The following RPS29 variants were observed in gnomAD, a reference collection of about 807,000 sequenced individuals.
RPS29 encodes ribosomal protein S29, also known as small ribosomal subunit protein uS14.
For missense variants in RPS29, 60 were observed against 75.7 expected, an observed-to-expected ratio of 0.79 and a Z score of 0.77; for synonymous variants, 37 against 26.9, an observed-to-expected ratio of 1.37 and a Z score of -1.16.
At chr14:49,577,632 G>A (rs146360976) in exon 3 of RPS29, 10 of 712,214 alleles carry the variant, frequency 1.4e-5, no homozygotes, top group African/African-American at 3.5e-5. Context: ...AACCAATGTT[G>A]GGCATAGATC....
Position 49,586,049 on chromosome 14 carries a change from A to G in RPS29, c.63T>C (p.Cys21=). The change falls in exon 2 of 3, where the codon TGT becomes TGC. Residue 21 remains cysteine, a splice_region_variant and synonymous_variant. Coordinates refer to ENST00000245458, the MANE Select transcript of RPS29 (RefSeq NM_001032.5). ...GACCGTGCCGGTTTGAACAGACACG[A>G]CTGTAAGAAAAGAGACAGCGGTTTT... The part of the protein sequence containing the change: ...PRKFGQGSRS[C]RVCSNRHGLI... 1 of 1,612,118 alleles carries G rather than the reference A, an allele frequency of 6.2e-7. No individual in the cohort carries two copies. Among genetic ancestry groups the G allele is most frequent in the Non-Finnish European group, 8.5e-7 (1 of 1,178,334 alleles).
At chr14:49,584,058 T>G (rs971359686) in intron 2 of RPS29, among the ~76,000 whole-genome samples, 1 of 152,206 alleles carries the variant, frequency 6.6e-6, no homozygotes, top group African/African-American at 2.4e-5. Flanking sequence ...CTCCACTCAC[T>G]GCAACCTCAG....
chr14:49,587,374 T>C (rs1334103803), upstream of RPS29, among the ~76,000 whole-genome samples: 1 of 152,270 alleles, frequency 6.6e-6, no homozygotes, highest in Non-Finnish European at 1.5e-5. Context: ...ACATTCCATA[T>C]GGTCATTTAT....
rs181473828 is a variant in RPS29 at position 49,584,754 on chromosome 14, C to A, written c.163-1079G>T. Among the ~76,000 whole-genome samples, 5 of 147,248 alleles carry A rather than the reference C, an allele frequency of 3.4e-5. No individual in the cohort carries two copies. The East Asian group carries it at 9.8e-4, about 29-fold the overall frequency. ...TCCAGCCTGGGAAACAGAGGGAGAC[C>A]CAATTTCAAAACAAAAAAAAAAATT... On this transcript the variant is annotated intron_variant, in intron 2 of 2. Transcript: ENST00000245458.
At chr14:49,580,746 C>G (rs1209315760), downstream of RPS29, among the ~76,000 whole-genome samples, 1 of 152,020 alleles carries the variant, frequency 6.6e-6, no homozygotes, top group Non-Finnish European at 1.5e-5. Flanking sequence ...GGTGGCAGAC[C>G]TGTACAGGCA....
Position 49,586,362 on chromosome 14 carries a change from G to A in RPS29, c.-16C>T, listed in dbSNP as rs757565561. The A allele has an allele frequency of 6.2e-7, 1 of 1,613,028 alleles. No homozygotes were observed. Among genetic ancestry groups the A allele is most frequent in the African/African-American group, 1.3e-5 (1 of 74,916 alleles). ...GGTGACCCATCTTGCTCTCAGCAGTGCAACGAGGTAAAAGGAAGAAGCTGG... is the reference window on the plus strand; with the variant it reads ...GGTGACCCATCTTGCTCTCAGCAGTACAACGAGGTAAAAGGAAGAAGCTGG... On this transcript the variant is annotated 5_prime_UTR_variant, in exon 1 of 3. Coordinates refer to ENST00000245458, the MANE Select transcript of RPS29 (RefSeq NM_001032.5).
downstream of RPS29, among the ~76,000 whole-genome samples, chr14:49,580,502 T>TA (rs1413383861): frequency 6.6e-6 from 1 of 152,174 alleles, no homozygotes; most frequent in Non-Finnish European, 1.5e-5. Flanking sequence ...TTATGAAACT[T>TA]AAACTCCAGT....
upstream of RPS29, among the ~76,000 whole-genome samples, chr14:49,589,422 T>C (rs1387587122): frequency 6.6e-6 from 1 of 152,256 alleles, no homozygotes; most frequent in Admixed American, 6.5e-5. Context: ...CTGCAAAGTA[T>C]AGATCTTATT....
chr14:49,571,154 ATTTTT>A (rs1881046380), exon 3 of RPS29: 2 of 152,144 alleles, frequency 1.3e-5, no homozygotes, highest in Admixed American at 1.3e-4. Context: ...CTGTAACTTT[ATTTTT>A]AAGAGTAGTT....
At chr14:49,572,100 G>C (rs970155916) in exon 3 of RPS29, 1 of 152,296 alleles carries the variant, frequency 6.6e-6, no homozygotes, top group African/African-American at 2.4e-5. Context: ...ACAGGTGACT[G>C]CCACCATGCC....
chr14:49,582,350 A>T (rs1233257486), downstream of RPS29, among the ~76,000 whole-genome samples: 1 of 151,878 alleles, frequency 6.6e-6, no homozygotes, highest in African/African-American at 2.4e-5. Flanking sequence ...CAGCTTTCTC[A>T]CTCTTCAGCC....
At chr14:49,573,103 G>GGAAAGAAA (rs140841410) in exon 3 of RPS29, 2 of 142,442 alleles carry the variant, frequency 1.4e-5, no homozygotes, top group East Asian at 2.0e-4. Flanking sequence ...AAAGAAAGAA[G>GGAAAGAAA]GAAAGAAAGA....
At chr14:49,584,535 C>T (rs1881449121) in intron 2 of RPS29, among the ~76,000 whole-genome samples, 1 of 152,172 alleles carries the variant, frequency 6.6e-6, no homozygotes, top group Admixed American at 6.5e-5. Flanking sequence ...GGGGTCAAGG[C>T]AGGCCCATCT....
At chr14:49,595,157 A>AT (rs1410347738) in intron 1 of RPS29, among the ~76,000 whole-genome samples, 3 of 151,406 alleles carry the variant, frequency 2.0e-5, no homozygotes, top group Non-Finnish European at 2.9e-5. Context: ...TTAGGTGCAT[A>AT]TTTTTTAACT....
chr14:49,583,628 T>C lies in RPS29; in HGVS notation c.*39A>G. 1 of 1,577,350 alleles carries C rather than the reference T, an allele frequency of 6.3e-7. No homozygotes were observed. The highest frequency in any genetic ancestry group is 8.6e-7 in the Non-Finnish European group (1 of 1,165,732). On this transcript the variant is annotated 3_prime_UTR_variant, in exon 3 of 3. Coordinates refer to ENST00000245458, the MANE Select transcript of RPS29 (RefSeq NM_001032.5). ...ACAAAGAATTATCATGGTTTTTCATTGAGTAGATGCCCCGGATAATCCTCT... is the reference window on the plus strand; with the variant it reads ...ACAAAGAATTATCATGGTTTTTCATCGAGTAGATGCCCCGGATAATCCTCT...
At chr14:49,575,855 A>G (rs1451663961) in exon 3 of RPS29, 2 of 152,256 alleles carry the variant, frequency 1.3e-5, no homozygotes, top group Non-Finnish European at 2.9e-5. Context: ...GTCCAAAAAA[A>G]TTAAAATAAA....
upstream of RPS29, chr14:49,586,578 C>G (rs1055665845): frequency 9.6e-5 from 53 of 550,690 alleles, no homozygotes; most frequent in South Asian, 3.8e-4. Context: ...CGGTATCCGA[C>G]CGCCGGGCGC....
At chr14:49,597,579 G>A (rs1180674973) in intron 1 of RPS29, 1 of 152,042 alleles carries the variant, frequency 6.6e-6, no homozygotes, top group Non-Finnish European at 1.5e-5. Context: ...TAGCCATAAA[G>A]TTTTGCTTAA....
upstream of RPS29, among the ~76,000 whole-genome samples, chr14:49,587,666 G>A (rs1325513596): frequency 3.9e-5 from 6 of 152,188 alleles, no homozygotes; most frequent in Admixed American, 1.3e-4. Context: ...GTGGGAAACA[G>A]GATTATCTCC....
Sources: gnomAD v4.1 joint callset for allele counts (sites outside exome capture counted in the v4.1 genomes callset) on GRCh38, gnomAD v4.1.1 for gene constraint, MANE v1.5 for transcripts, NCBI Gene and HGNC (gene_info 2026-07-23, HGNC 2026-07-21) for gene names.